DHRS12: variants seen among roughly 807,000 people sequenced by gnomAD.
DHRS12 encodes the protein dehydrogenase/reductase 12.
DHRS12 carries 29 observed loss-of-function variants against 32.1 expected under a neutral mutation model. The observed-to-expected ratio is 0.90, with a 90% CI of 0.67 to 1.23. The LOEUF (loss-of-function observed/expected upper bound fraction) is 1.23, where lower values mean the gene tolerates loss of function less well. Ranked by LOEUF, DHRS12 falls within the 50% of genes most tolerant of loss-of-function variation. DHRS12 has a pLI of 0.00. For synonymous variants in DHRS12, 150 were observed against 135.9 expected, an observed-to-expected ratio of 1.10 and a Z score of -0.72; for missense variants, 330 against 337.2, an observed-to-expected ratio of 0.98 and a Z score of 0.17.
At chr13:51,783,042 C>A (rs961770250) in intron 4 of DHRS12, among the ~76,000 whole-genome samples, 1 of 151,948 alleles carries the variant, frequency 6.6e-6, no homozygotes, top group African/African-American at 2.4e-5. Context: ...GCGGGGTGCA[C>A]GGCGCGGCCC....
the DHRS12 span, chr13:51,758,411 C>A: frequency 9.0e-6 from 6 of 663,800 alleles, no homozygotes; most frequent in Non-Finnish European, 1.5e-5. Context: ...GGTAGCCGGC[C>A]ATGGTGGCAT....
At chr13:51,789,213 T>C (rs1955144701) in intron 4 of DHRS12, among the ~76,000 whole-genome samples, 1 of 152,168 alleles carries the variant, frequency 6.6e-6, no homozygotes, top group South Asian at 2.1e-4. Context: ...TCTTGTGACC[T>C]AGAACAATAC....
rs1201396713 is a variant in DHRS12, at chr13:51,802,199, ACACACACACACACACACAC to A, written c.-9+1836_-9+1854del. On this transcript the variant is annotated intron_variant, in intron 1 of 8. Coordinates refer to ENST00000444610, the MANE Select transcript of DHRS12 (RefSeq NM_001377533.1). ...CACACACACACACACACACACACAC[ACACACACACACACACACAC>A]GACTTTCCCAAGGTCACCAGAAGGT... Among the ~76,000 whole-genome samples the A allele has an allele frequency of 1.8e-3, 252 of 142,956 alleles. 1 individual carries two copies. The highest frequency in any genetic ancestry group is 6.5e-3 in the African/African-American group (243 of 37,128). 93.8% of individuals were successfully genotyped at this position (142,956 alleles called of 152,430 possible). A position where few individuals can be genotyped will look rare whatever the true frequency, so the allele number is the denominator to read the frequency against.
intron 2 of DHRS12, among the ~76,000 whole-genome samples, chr13:51,797,450 T>C (rs746904694): frequency 9.9e-5 from 15 of 152,134 alleles, no homozygotes; most frequent in Non-Finnish European, 1.9e-4. Context: ...TTCTCTTTAT[T>C]AGAGCACATC....
At chr13:51,794,365 A>T (rs1050910393) in intron 2 of DHRS12, among the ~76,000 whole-genome samples, 2 of 152,222 alleles carry the variant, frequency 1.3e-5, no homozygotes, top group African/African-American at 2.4e-5. Context: ...TGAGCACGGT[A>T]AACAGTGCAT....
At chr13:51,799,130 C>T (rs1198831598) in intron 2 of DHRS12, among the ~76,000 whole-genome samples, 1 of 152,182 alleles carries the variant, frequency 6.6e-6, no homozygotes, top group East Asian at 1.9e-4. Context: ...GACTTTGAGG[C>T]TCCCCCTCCC....
chr13:51,789,659 C>G, intron 4 of DHRS12: 1 of 985,448 alleles, frequency 1.0e-6, no homozygotes, highest in East Asian at 1.1e-4. Flanking sequence ...CTGGTTGCAC[C>G]TTCCTCAGCC....
At chr13:51,802,164 A>C in intron 1 of DHRS12, among the ~76,000 whole-genome samples, 3 of 132,124 alleles carry the variant, frequency 2.3e-5, no homozygotes, top group Non-Finnish European at 3.2e-5. Context: ...ATCAGTCTCT[A>C]TTTTTCACAC....
chr13:51,798,505 G>T (rs1955609329), intron 2 of DHRS12, among the ~76,000 whole-genome samples: 1 of 152,150 alleles, frequency 6.6e-6, no homozygotes, highest in Non-Finnish European at 1.5e-5. Flanking sequence ...TATGGAGTCT[G>T]CTTTCTTTAC....
At chr13:51,792,977 C>T (rs952516767) in intron 2 of DHRS12, among the ~76,000 whole-genome samples, 32 of 151,696 alleles carry the variant, frequency 2.1e-4, no homozygotes, top group African/African-American at 7.5e-4. Flanking sequence ...ATCTCAGGCA[C>T]ATCATAAATA....
chr13:51,788,941 C>G (rs956309737), intron 4 of DHRS12, among the ~76,000 whole-genome samples: 2 of 152,048 alleles, frequency 1.3e-5, no homozygotes, highest in Admixed American at 1.3e-4. Context: ...TCTCCTCTTT[C>G]TGGGGAAGAA....
downstream of DHRS12, chr13:51,766,117 T>G (rs1953740657): frequency 6.6e-6 from 1 of 152,258 alleles, no homozygotes; most frequent in Non-Finnish European, 1.5e-5. Flanking sequence ...CACTATGAAG[T>G]ATGGCCAAAA....
At chr13:51,760,426 C>T in the DHRS12 span, 1 of 152,096 alleles carries the variant, frequency 6.6e-6, no homozygotes, top group African/African-American at 2.4e-5. Context: ...TGTGTTTCTG[C>T]CTCAGTTGCC....
chr13:51,768,743 T>G, intron 8 of DHRS12: 3 of 1,141,124 alleles, frequency 2.6e-6, no homozygotes, highest in Non-Finnish European at 3.2e-6. Flanking sequence ...GGGAGAGACG[T>G]GAACAGATCA....
At chr13:51,766,215 G>A (rs535879607), downstream of DHRS12, 4 of 152,210 alleles carry the variant, frequency 2.6e-5, no homozygotes, top group African/African-American at 9.6e-5. Context: ...GTTTTTCAAG[G>A]TGCTGTCATT....
chr13:51,794,725 T>G (rs1229667544), intron 2 of DHRS12, among the ~76,000 whole-genome samples: 2 of 151,502 alleles, frequency 1.3e-5, no homozygotes, highest in Non-Finnish European at 1.5e-5. Context: ...TGTGAAAGCC[T>G]ATCTCAAAAA....
intron 4 of DHRS12, chr13:51,789,425 G>A: frequency 3.9e-6 from 2 of 516,956 alleles, no homozygotes; most frequent in Non-Finnish European, 5.0e-6. Flanking sequence ...TTTAACTCTT[G>A]GCCTCATTCC....
At chr13:51,772,951 C>A (rs1046152582) in intron 6 of DHRS12, 4 of 985,482 alleles carry the variant, frequency 4.1e-6, no homozygotes, top group Non-Finnish European at 4.8e-6. Flanking sequence ...CAGAGAGTCT[C>A]AGACAGGGCC....
At chr13:51,776,635 C>G (rs1478696297) in intron 5 of DHRS12, 5 of 201,018 alleles carry the variant, frequency 2.5e-5, no homozygotes, top group Non-Finnish European at 4.2e-5. Context: ...AGGCAGCCTA[C>G]ATTAACTGTC....
Sources: allele counts gnomAD v4.1 joint callset (sites outside exome capture counted in the v4.1 genomes callset), GRCh38; gene constraint gnomAD v4.1.1; transcripts MANE v1.5; gene names NCBI Gene and HGNC (gene_info 2026-07-23, HGNC 2026-07-21).